HIGD1C: variants seen among roughly 807,000 people sequenced by gnomAD.
HIGD1C encodes the protein HIG1 hypoxia inducible domain family member 1C.
A neutral mutation model predicts 13.1 loss-of-function variants in HIGD1C; 11 were observed. The ratio of observed to expected loss-of-function variants is 0.84; its 90% CI spans 0.53 to 1.39. HIGD1C has a LOEUF of 1.39. Ranked by LOEUF, HIGD1C falls within the 40% of genes most tolerant of loss-of-function variation. The pLI is 0.00. For missense variants in HIGD1C, 110 were observed against 112.0 expected, an observed-to-expected ratio of 0.98 and a Z score of 0.08; for synonymous variants, 36 against 37.7, an observed-to-expected ratio of 0.95 and a Z score of 0.17.
At chr12:50,968,908 G>A (rs1018174406) in intron 2 of HIGD1C, among the ~76,000 whole-genome samples, 1 of 147,398 alleles carries the variant, frequency 6.8e-6, no homozygotes, top group African/African-American at 2.5e-5. Flanking sequence ...CTAACTCCTG[G>A]CCTCAAGTGA....
intron 1 of HIGD1C, among the ~76,000 whole-genome samples, chr12:50,955,550 T>C (rs757517264): frequency 1.3e-5 from 2 of 152,214 alleles, no homozygotes; most frequent in African/African-American, 4.8e-5. Flanking sequence ...TTTGCAAAAA[T>C]ATTAATTCCA....
intron 2 of HIGD1C, among the ~76,000 whole-genome samples, chr12:50,967,147 G>C (rs1432356050): frequency 1.3e-5 from 2 of 151,308 alleles, no homozygotes; most frequent in African/African-American, 4.9e-5. Flanking sequence ...ATAGGGTCTT[G>C]CTCTGTCACT....
chr12:50,947,097 C>T, the HIGD1C span, among the ~76,000 whole-genome samples: 2 of 152,156 alleles, frequency 1.3e-5, no homozygotes, highest in African/African-American at 4.8e-5. Context: ...TTCCCTAGTC[C>T]TTATTATTCC....
chr12:50,961,615 C>CGGTA (rs1939333158), intron 2 of HIGD1C, among the ~76,000 whole-genome samples: 1 of 152,130 alleles, frequency 6.6e-6, no homozygotes, highest in African/African-American at 2.4e-5. Context: ...CAAGACCTAC[C>CGGTA]AGTCAAATCC....
chr12:50,933,453 A>T, the HIGD1C span, among the ~76,000 whole-genome samples: 26 of 152,192 alleles, frequency 1.7e-4, no homozygotes, highest in African/African-American at 6.3e-4. Context: ...AGGACTATCA[A>T]CTCAAATTAG....
chr12:50,954,252 T>C (rs924490149), intron 1 of HIGD1C, 160 bp downstream of exon 3: 28 of 495,864 alleles, frequency 5.6e-5, no homozygotes, highest in Non-Finnish European at 9.3e-5. Context: ...TAGTTCCTAA[T>C]ACATGGTAAG....
intron 1 of HIGD1C, among the ~76,000 whole-genome samples, chr12:50,956,321 A>C (rs1023391466): frequency 6.6e-6 from 1 of 152,100 alleles, no homozygotes; most frequent in Non-Finnish European, 1.5e-5. Context: ...GAACTCAGGA[A>C]GTGGAGGTTG....
chr12:50,945,038 C>T, the HIGD1C span, among the ~76,000 whole-genome samples: 3 of 152,174 alleles, frequency 2.0e-5, no homozygotes, highest in African/African-American at 7.2e-5. Context: ...ATTCAACAGC[C>T]CATCATGCTA....
chr12:50,947,071 A>G, the HIGD1C span, among the ~76,000 whole-genome samples: 1 of 151,938 alleles, frequency 6.6e-6, no homozygotes, highest in African/African-American at 2.4e-5. Context: ...CTCCACTTCT[A>G]CTTCACCAGT....
the HIGD1C span, among the ~76,000 whole-genome samples, chr12:50,941,392 T>G: frequency 6.6e-6 from 1 of 152,212 alleles, no homozygotes; most frequent in Admixed American, 6.5e-5. Flanking sequence ...ATTTTTTTCC[T>G]TTCATATTCT....
chr12:50,966,590 T>C (rs1405174820), intron 2 of HIGD1C, among the ~76,000 whole-genome samples: 1 of 152,178 alleles, frequency 6.6e-6, no homozygotes, highest in African/African-American at 2.4e-5. Flanking sequence ...CTGCCCCTGG[T>C]TGAGAACCAT....
At chr12:50,950,683 T>TC (rs1416410570), upstream of HIGD1C, among the ~76,000 whole-genome samples, 2 of 144,134 alleles carry the variant, frequency 1.4e-5, no homozygotes, top group Non-Finnish European at 3.0e-5. Context: ...TTTTTTTTTT[T>TC]TTTTTTTTTT....
intron 1 of HIGD1C, among the ~76,000 whole-genome samples, chr12:50,959,521 A>C (rs968240990): frequency 6.6e-6 from 1 of 152,020 alleles, no homozygotes; most frequent in Non-Finnish European, 1.5e-5. Context: ...CTTATCCAAA[A>C]ATTTTTTTTC....
intron 1 of HIGD1C, among the ~76,000 whole-genome samples, chr12:50,955,794 T>C (rs533281339): frequency 6.6e-6 from 1 of 152,334 alleles, no homozygotes; most frequent in Non-Finnish European, 1.5e-5. Context: ...GAAAACTCAA[T>C]GCTACTTGAA....
At chr12:50,940,440 A>T in the HIGD1C span, among the ~76,000 whole-genome samples, 1 of 152,232 alleles carries the variant, frequency 6.6e-6, no homozygotes, top group Admixed American at 6.5e-5. Context: ...AGGCTTGGCC[A>T]GGTTTAATGG....
At chr12:50,950,968 G>A (rs982763751), upstream of HIGD1C, among the ~76,000 whole-genome samples, 65 of 151,582 alleles carry the variant, frequency 4.3e-4, no homozygotes, top group South Asian at 4.2e-4. Flanking sequence ...ACAGGCATGA[G>A]CCACCGCGCC....
At chr12:50,954,397 T>C in intron 1 of HIGD1C, 1 of 251,222 alleles carries the variant, frequency 4.0e-6, no homozygotes, top group Non-Finnish European at 7.6e-6. Context: ...AACATTTCAG[T>C]CATAACTCAG....
chr12:50,941,667 C>T, the HIGD1C span, among the ~76,000 whole-genome samples: 1 of 152,148 alleles, frequency 6.6e-6, no homozygotes, highest in East Asian at 1.9e-4. Flanking sequence ...CAAAGCACCA[C>T]ATATGAAATT....
At chr12:50,939,336 C>T in the HIGD1C span, among the ~76,000 whole-genome samples, 12 of 152,204 alleles carry the variant, frequency 7.9e-5, no homozygotes, top group South Asian at 2.1e-4. Flanking sequence ...TTAGTAAAGA[C>T]GGGGTTTTGC....
Sources: gnomAD v4.1 joint callset for allele counts (sites outside exome capture counted in the v4.1 genomes callset) on GRCh38, gnomAD v4.1.1 for gene constraint, MANE v1.5 for transcripts, NCBI Gene and HGNC (gene_info 2026-07-23, HGNC 2026-07-21) for gene names.